Variants in ANPEP observed in about 807,000 individuals in gnomAD.
ANPEP encodes aminopeptidase N.
ANPEP carries 70 observed loss-of-function variants against 114.6 expected under a neutral mutation model. The observed-to-expected ratio is 0.61, with a 90% CI of 0.50 to 0.75. ANPEP has a LOEUF of 0.75. ANPEP is among the 30% of genes least tolerant of loss of function. The pLI, the probability that ANPEP is intolerant of heterozygous loss-of-function variation, is 0.00. For synonymous variants in ANPEP, 548 were observed against 522.3 expected, an observed-to-expected ratio of 1.05 and a Z score of -0.67; for missense variants, 1,184 against 1,259.5, an observed-to-expected ratio of 0.94 and a Z score of 0.91.
At chr15:89,811,199 TG>T (rs1236477061) in intron 1 of ANPEP, among the ~76,000 whole-genome samples, 1 of 152,266 alleles carries the variant, frequency 6.6e-6, no homozygotes, top group Non-Finnish European at 1.5e-5. Flanking sequence ...CCTGGGCTTC[TG>T]GGCTGTGCAC....
Position 89,805,462 on chromosome 15 carries a change from C to A in ANPEP, c.616G>T (p.Val206Leu). The A allele has an allele frequency of 1.9e-6, 3 of 1,614,014 alleles. No homozygotes were observed. Among genetic ancestry groups the A allele is most frequent in the East Asian group, 2.2e-5 (1 of 44,880 alleles). Residue 206 changes from valine (V) to leucine (L), a missense_variant and splice_region_variant, in exon 3 of 21, where the codon GTG becomes TTG. Physicochemically the swap from Val to Leu is conservative, Grantham distance 32. Coordinates refer to ENST00000300060, the MANE Select transcript of ANPEP (RefSeq NM_001150.3). ...SEYMEGNVRK[V>L]VATTQMQAAD... Reference sequence around the variant, plus strand: ...GCCTGCATCTGTGTAGTGGCCACCACCCTGCCCCAACAGGAAGGTTAGAGG... The same window carrying A: ...GCCTGCATCTGTGTAGTGGCCACCAACCTGCCCCAACAGGAAGGTTAGAGG...
At chr15:89,802,831 T>G in intron 10 of ANPEP, 1 of 206,278 alleles carries the variant, frequency 4.8e-6, no homozygotes. Context: ...CTGCTGAGGG[T>G]GGTGGAGCTG....
At chr15:89,793,163 A>G in intron 15 of ANPEP, 37 bp from the exon 16 acceptor site, 1 of 1,567,232 alleles carries the variant, frequency 6.4e-7, no homozygotes, top group Non-Finnish European at 8.8e-7. Flanking sequence ...TCAAAGACTC[A>G]TGCCTGACCT....
intron 12 of ANPEP, 112 bp downstream of exon 12, chr15:89,800,999 A>G (rs1894576836): frequency 2.2e-6 from 2 of 918,668 alleles, no homozygotes; most frequent in Admixed American, 2.3e-5. Context: ...TTGGAACCAA[A>G]GAAGTCAAGT....
rs1894546111 is a variant in ANPEP, at chr15:89,799,657, C to A, written c.1820-98G>T. 12 of 1,549,586 alleles carry A rather than the reference C, an allele frequency of 7.7e-6. No homozygotes were observed. The South Asian group carries it at 1.2e-4, about 15-fold the overall frequency. ...CAGCTGCCCCCGCAGCCTGGCACCA[C>A]CTCACCCTCAAGCTGCTGGGGAGAC... On this transcript the variant is annotated intron_variant, in intron 12 of 20. Transcript: ENST00000300060. This position sits in a 1 kb window ranked among gnomAD's most constrained non-coding sequence, Gnocchi z 4.2.
intron 1 of ANPEP, among the ~76,000 whole-genome samples, chr15:89,811,655 A>C (rs1359756461): frequency 6.6e-6 from 1 of 151,644 alleles, no homozygotes; most frequent in African/African-American, 2.4e-5. Context: ...CAAGTAAAAA[A>C]AAAAAAAAAA....
chr15:89,790,241 A>T (rs1367673144), intron 20 of ANPEP, among the ~76,000 whole-genome samples: 1 of 152,052 alleles, frequency 6.6e-6, no homozygotes, highest in Non-Finnish European at 1.5e-5. Flanking sequence ...TCATTATACC[A>T]CTCTTCCCTT....
At chr15:89,791,155 A>C (rs948104736) in intron 18 of ANPEP, 62 bp from the exon 19 acceptor site, 2 of 1,583,002 alleles carry the variant, frequency 1.3e-6, no homozygotes, top group African/African-American at 1.3e-5. Context: ...GAGAACTTGG[A>C]CTGTCCCACG....
chr15:89,785,501 G>C lies in ANPEP; in HGVS notation c.2752C>G (p.Leu918Val). 6.2e-7 allele frequency: 1 copy of C among 1,613,492 alleles called. No individual in the cohort carries two copies. The highest frequency in any genetic ancestry group is 8.5e-7 in the Non-Finnish European group (1 of 1,179,814). Residue 918 changes from leucine to valine, a missense_variant and splice_region_variant, in exon 21 of 21, where the codon CTG (leucine) becomes GTG (valine). Physicochemically the swap from Leu to Val is conservative, Grantham distance 32. Transcript: ENST00000300060. ...RFSTEYELQQ[L>V]EQFKKDNEET... is the part of the protein sequence containing the mutation. Reference sequence around the variant, plus strand: ...TCGTTGTCCTTCTTGAACTGCTCCAGCTGCCAGAAAAACAAAAGATTCTCA... The same window carrying C: ...TCGTTGTCCTTCTTGAACTGCTCCACCTGCCAGAAAAACAAAAGATTCTCA...
At chr15:89,792,351 G>T in intron 17 of ANPEP, 24 bp from the exon 18 acceptor site, 1 of 1,613,790 alleles carries the variant, frequency 6.2e-7, no homozygotes, top group South Asian at 1.1e-5. Context: ...GGGAGGTCAG[G>T]TGTGGAACAG....
In ANPEP at chr15:89,785,502, C is replaced by T. The variant is rs1375302022; in HGVS notation, c.2752-1G>A. On this transcript the variant is annotated splice_acceptor_variant, in intron 20 of 20. Coordinates refer to ENST00000300060, the MANE Select transcript of ANPEP (RefSeq NM_001150.3). LOFTEE classifies it high-confidence loss of function. Reference sequence around the variant, plus strand: ...CGTTGTCCTTCTTGAACTGCTCCAGCTGCCAGAAAAACAAAAGATTCTCAG... The same window carrying T: ...CGTTGTCCTTCTTGAACTGCTCCAGTTGCCAGAAAAACAAAAGATTCTCAG... 1.2e-6 allele frequency: 2 copies of T among 1,613,426 alleles called. No individual in the cohort carries two copies. The highest frequency in any genetic ancestry group is 1.3e-5 in the African/African-American group (1 of 74,678).
rs1894732013 is a variant in ANPEP, at chr15:89,807,143, A to G, written c.-223-337T>C. ...GTCCCAGCCTCCCTTGCATTCTTCAAGAGCAGGGAGTTCCTCCAGGTTCCC... is the reference window on the plus strand; with the variant it reads ...GTCCCAGCCTCCCTTGCATTCTTCAGGAGCAGGGAGTTCCTCCAGGTTCCC... On this transcript the variant is annotated intron_variant, in intron 1 of 20. Transcript: ENST00000300060. 2.0e-5 allele frequency among the ~76,000 whole-genome samples: 3 copies of G among 152,350 alleles called. No homozygotes were observed. In the South Asian group the frequency reaches 6.2e-4, roughly 32 times the overall value.
chr15:89,804,758 G>C (rs981472423), intron 4 of ANPEP, 141 bp from the exon 5 acceptor site: 2 of 1,225,248 alleles, frequency 1.6e-6, no homozygotes, highest in East Asian at 4.8e-5. Flanking sequence ...TAGAGGCCTG[G>C]TCAGCAGAGG....
At chr15:89,786,426 T>A (rs1194340770) in intron 20 of ANPEP, among the ~76,000 whole-genome samples, 1 of 145,804 alleles carries the variant, frequency 6.9e-6, no homozygotes, top group East Asian at 2.0e-4. Context: ...TCAGTGATCC[T>A]AAAATGCATA....
Position 89,801,108 on chromosome 15 carries a change from T to C in ANPEP, c.1819+3A>G. On this transcript the variant is annotated splice_donor_region_variant and intron_variant, in intron 12 of 20. Coordinates refer to ENST00000300060, the MANE Select transcript of ANPEP (RefSeq NM_001150.3). ...TGCTGCCCATAAGGCAGGGCTGGATTACCTCTTACATCTATCAGCCAGTAG... is the reference window on the plus strand; with the variant it reads ...TGCTGCCCATAAGGCAGGGCTGGATCACCTCTTACATCTATCAGCCAGTAG... 1 of 1,613,964 alleles carries C rather than the reference T, an allele frequency of 6.2e-7. No homozygotes were observed. The highest frequency in any genetic ancestry group is 1.7e-4 in the Middle Eastern group (1 of 6,056).
intron 15 of ANPEP, among the ~76,000 whole-genome samples, chr15:89,797,231 G>A (rs931060701): frequency 1.3e-5 from 2 of 152,218 alleles, no homozygotes; most frequent in Non-Finnish European, 2.9e-5. Flanking sequence ...CCTCAGCATG[G>A]TGGCCTTTTC....
intron 20 of ANPEP, 102 bp from the exon 21 acceptor site, chr15:89,785,603 C>T: frequency 6.6e-7 from 1 of 1,512,364 alleles, no homozygotes; most frequent in Non-Finnish European, 9.0e-7. Flanking sequence ...TTAGAGTCCC[C>T]ATGGATGGGA....
chr15:89,786,074 G>C (rs1968501733), intron 20 of ANPEP, among the ~76,000 whole-genome samples: 1 of 152,086 alleles, frequency 6.6e-6, no homozygotes, highest in Admixed American at 6.5e-5. Context: ...CAGGATACAA[G>C]AGCAATACAC....
In ANPEP at chr15:89,803,638, G is replaced by C. The variant is rs200517753; in HGVS notation, c.1437+9C>G. On this transcript the variant is annotated intron_variant, in intron 8 of 20. Coordinates refer to ENST00000300060, the MANE Select transcript of ANPEP (RefSeq NM_001150.3). The surrounding 1 kb of genome is among the most constrained non-coding windows in gnomAD (Gnocchi z 4.2). ...TCCTTCCCCGTGCCCCACGAGGAGCGGGCTGCACCTTGCTGTAGGAGATGG... is the reference window on the plus strand; with the variant it reads ...TCCTTCCCCGTGCCCCACGAGGAGCCGGCTGCACCTTGCTGTAGGAGATGG... 7.6e-4 allele frequency: 1,231 copies of C among 1,610,308 alleles called. 6 individuals are homozygous for C. The African/African-American group carries it at 0.015, about 20-fold the overall frequency.
Sources: gnomAD v4.1 joint callset for allele counts (sites outside exome capture counted in the v4.1 genomes callset) on GRCh38, gnomAD v4.1.1 for gene constraint, Gnocchi (gnomAD v3.1) non-coding constraint, MANE v1.5 for transcripts, NCBI Gene and HGNC (gene_info 2026-07-23, HGNC 2026-07-21) for gene names.